The following PID1 variants were observed in gnomAD, a reference collection of about 807,000 sequenced individuals.
The protein encoded by PID1 is phosphotyrosine interaction domain containing 1, also known as PTB-containing, cubilin and LRP1-interacting protein.
In PID1, 10 loss-of-function variants were observed where a neutral mutation model predicts 19.1. That is an observed-to-expected ratio of 0.52 (90% CI 0.32 to 0.89). The LOEUF (loss-of-function observed/expected upper bound fraction) is 0.89, where lower values mean the gene tolerates loss of function less well. Ranked by LOEUF, PID1 falls within the 40% of genes least tolerant of loss-of-function variation. The probability of loss-of-function intolerance (pLI) is 0.03; values close to 1 mark genes in which losing one functional copy is unlikely to be tolerated. For missense variants in PID1, 248 were observed against 285.3 expected (o/e 0.87, Z 0.94); for synonymous variants, 130 against 116.0 (o/e 1.12, Z -0.78).
intron 1 of PID1, among the ~76,000 whole-genome samples, chr2:229,200,259 G>A (rs1465554122): frequency 6.6e-6 from 1 of 151,996 alleles, no homozygotes; most frequent in Non-Finnish European, 1.5e-5. Context: ...CAGGTTCTCA[G>A]GTAGGCACAT....
At chr2:229,235,857 G>C (rs1253546421) in intron 1 of PID1, among the ~76,000 whole-genome samples, 1 of 152,176 alleles carries the variant, frequency 6.6e-6, no homozygotes, top group Non-Finnish European at 1.5e-5. Context: ...TGGCTTCCAG[G>C]CATCTCGGGA....
intron 2 of PID1, among the ~76,000 whole-genome samples, chr2:229,028,262 T>C (rs1034425645): frequency 6.6e-6 from 1 of 152,232 alleles, no homozygotes; most frequent in Non-Finnish European, 1.5e-5. Context: ...AATTTATTTA[T>C]GATTATGATT....
chr2:229,242,647 C>T (rs1230878564), intron 1 of PID1, among the ~76,000 whole-genome samples: 1 of 152,148 alleles, frequency 6.6e-6, no homozygotes, highest in East Asian at 1.9e-4. Flanking sequence ...CCCCTTTTGC[C>T]TGTACCATTT....
rs150261840 is a variant in PID1 at position 229,208,428 on chromosome 2, C to T, written c.31-52464G>A. 2.4e-3 allele frequency among the ~76,000 whole-genome samples: 373 copies of T among 152,272 alleles called. 3 individuals are homozygous for T. The highest frequency in any genetic ancestry group is 8.3e-3 in the African/African-American group (345 of 41,556). On this transcript the variant is annotated intron_variant, in intron 1 of 2. Transcript: ENST00000392055. ...TCTCAAAAAGAAACATATATCCCTG[C>T]CCTTTGGTTTTAGAGGATAAAGATC... is the stretch of plus-strand genomic sequence containing the variant.
intron 2 of PID1, among the ~76,000 whole-genome samples, chr2:229,122,488 C>T (rs576796229): frequency 2.1e-4 from 32 of 152,126 alleles, no homozygotes; most frequent in African/African-American, 7.7e-4. Context: ...ACAGCTTTTC[C>T]CCAGGGACAC....
intron 1 of PID1, among the ~76,000 whole-genome samples, chr2:229,202,668 C>T (rs1449637465): frequency 1.3e-5 from 2 of 152,026 alleles, no homozygotes; most frequent in Non-Finnish European, 2.9e-5. Flanking sequence ...GTCACCTGGT[C>T]ATCAACTATT....
chr2:229,148,350 A>G (rs945689154), intron 2 of PID1, among the ~76,000 whole-genome samples: 4 of 152,194 alleles, frequency 2.6e-5, no homozygotes, highest in African/African-American at 9.7e-5. Context: ...ATTTGAACAT[A>G]TATTTAAAGA....
chr2:229,159,198 A>G (rs1175675555), intron 1 of PID1, among the ~76,000 whole-genome samples: 3 of 152,174 alleles, frequency 2.0e-5, no homozygotes, highest in Non-Finnish European at 4.4e-5. Flanking sequence ...CTCATCTCAT[A>G]TAAGGGCAGT....
chr2:229,245,541 T>A (rs1689979724), intron 1 of PID1, among the ~76,000 whole-genome samples: 2 of 152,194 alleles, frequency 1.3e-5, no homozygotes, highest in African/African-American at 4.8e-5. Flanking sequence ...TCTTAACACT[T>A]ACTATTACTT....
chr2:229,265,634 A>ATTAT, intron 1 of PID1, among the ~76,000 whole-genome samples: 1 of 152,208 alleles, frequency 6.6e-6, no homozygotes. Context: ...GGGCTGAAAG[A>ATTAT]AGCACACTGC....
At chr2:229,193,277 C>T (rs1437592486) in intron 1 of PID1, among the ~76,000 whole-genome samples, 1 of 152,132 alleles carries the variant, frequency 6.6e-6, no homozygotes, top group East Asian at 1.9e-4. Flanking sequence ...CTTGGCTAGA[C>T]CCCTTGTCCA....
chr2:229,161,238 A>G (rs575881337), intron 1 of PID1, among the ~76,000 whole-genome samples: 9 of 152,172 alleles, frequency 5.9e-5, no homozygotes, highest in Admixed American at 1.3e-4. Flanking sequence ...CTCCTTCCCA[A>G]TCGAAGTCAG....
chr2:229,040,198 C>T (rs1248189744), intron 2 of PID1, among the ~76,000 whole-genome samples: 4 of 150,210 alleles, frequency 2.7e-5, no homozygotes, highest in African/African-American at 9.8e-5. Flanking sequence ...GAGGGCGGAT[C>T]ACCTGAGGTC....
intron 1 of PID1, among the ~76,000 whole-genome samples, chr2:229,163,684 T>TGC (rs769479858): frequency 7.7e-5 from 6 of 78,128 alleles, no homozygotes; most frequent in African/African-American, 1.1e-4. Context: ...TGCGTGTGCG[T>TGC]GTGTGTGTGT....
At chr2:229,048,170 G>C (rs1693920907) in intron 2 of PID1, among the ~76,000 whole-genome samples, 1 of 152,158 alleles carries the variant, frequency 6.6e-6, no homozygotes, top group African/African-American at 2.4e-5. Flanking sequence ...ATAGGATCTA[G>C]TGATTTTCCC....
At chr2:229,122,003 T>C (rs1695533506) in intron 2 of PID1, among the ~76,000 whole-genome samples, 1 of 152,252 alleles carries the variant, frequency 6.6e-6, no homozygotes, top group East Asian at 1.9e-4. Context: ...AAAAGTCTCA[T>C]TCTAGAAGAG....
intron 1 of PID1, among the ~76,000 whole-genome samples, chr2:229,163,695 G>A (rs1439209631): frequency 6.9e-6 from 1 of 144,336 alleles, no homozygotes; most frequent in Non-Finnish European, 1.6e-5. Context: ...GTGTGTGTGT[G>A]TATACTCACT....
chr2:229,188,972 T>G (rs1173389564), intron 1 of PID1, among the ~76,000 whole-genome samples: 1 of 152,170 alleles, frequency 6.6e-6, no homozygotes, highest in Non-Finnish European at 1.5e-5. Flanking sequence ...TAACGGCTCC[T>G]TAAGTGCTCC....
At chr2:229,164,467 A>G (rs1224857323) in intron 1 of PID1, among the ~76,000 whole-genome samples, 1 of 152,192 alleles carries the variant, frequency 6.6e-6, no homozygotes, top group African/African-American at 2.4e-5. Context: ...AGGATGGGAC[A>G]TGAACAAGTA....
Sources: gnomAD v4.1 joint callset for allele counts (sites outside exome capture counted in the v4.1 genomes callset) on GRCh38, gnomAD v4.1.1 for gene constraint, MANE v1.5 for transcripts, NCBI Gene and HGNC (gene_info 2026-07-23, HGNC 2026-07-21) for gene names.